TOX: variants seen among roughly 807,000 people sequenced by gnomAD.
The protein encoded by TOX is thymocyte selection-associated high mobility group box protein TOX.
TOX carries 11 observed loss-of-function variants against 53.7 expected under a neutral mutation model. The observed-to-expected ratio is 0.20, with a 90% CI of 0.13 to 0.34. TOX has a LOEUF of 0.34. Among genes scored for constraint, TOX ranks in the 10% least tolerant of loss-of-function variants. The pLI, the probability that TOX is intolerant of heterozygous loss-of-function variation, is 1.00. For synonymous variants in TOX, 225 were observed against 245.3 expected (o/e 0.92, Z 0.77); for missense variants, 570 against 664.6 (o/e 0.86, Z 1.56).
At chr8:58,865,539 T>A (rs1811082508) in intron 3 of TOX, among the ~76,000 whole-genome samples, 2 of 152,086 alleles carry the variant, frequency 1.3e-5, no homozygotes, top group African/African-American at 4.8e-5. Flanking sequence ...TTCAAGAGAA[T>A]AAATTTTCCC....
intron 2 of TOX, among the ~76,000 whole-genome samples, chr8:58,941,148 A>G (rs923497388): frequency 1.3e-5 from 2 of 152,222 alleles, no homozygotes; most frequent in African/African-American, 2.4e-5. Context: ...CTGTGTCAAA[A>G]TTACAAGTTT....
intron 3 of TOX, among the ~76,000 whole-genome samples, chr8:58,886,037 C>G (rs879722259): frequency 6.6e-6 from 1 of 152,064 alleles, no homozygotes; most frequent in South Asian, 2.1e-4. Context: ...TACATCTGCC[C>G]CAATTTATCC....
chr8:58,843,575 C>G (rs1296108088), intron 4 of TOX, among the ~76,000 whole-genome samples: 1 of 152,264 alleles, frequency 6.6e-6, no homozygotes, highest in Non-Finnish European at 1.5e-5. Context: ...TATCTTTGCT[C>G]TTTATAAATG....
intron 1 of TOX, among the ~76,000 whole-genome samples, chr8:59,004,714 A>AG (rs1813754761): frequency 6.6e-6 from 1 of 152,220 alleles, no homozygotes; most frequent in Admixed American, 6.5e-5. Flanking sequence ...TCAATCACAC[A>AG]GGGGCAGCTG....
chr8:59,045,289 T>A (rs1413790717), intron 1 of TOX, among the ~76,000 whole-genome samples: 1 of 152,248 alleles, frequency 6.6e-6, no homozygotes, highest in Non-Finnish European at 1.5e-5. Flanking sequence ...TCTTTTCAAA[T>A]ATGAAAGAGA....
At chr8:58,844,426 TG>T (rs1810689579) in intron 4 of TOX, among the ~76,000 whole-genome samples, 1 of 152,158 alleles carries the variant, frequency 6.6e-6, no homozygotes, top group Non-Finnish European at 1.5e-5. Flanking sequence ...GTGCTAAGAC[TG>T]GAGAGTTAAA....
At chr8:58,985,037 A>G (rs11784073) in intron 1 of TOX, among the ~76,000 whole-genome samples, 12,486 of 150,146 alleles carry the variant, frequency 0.083, 656 homozygotes, top group Middle Eastern at 0.18. Context: ...ATATTTGACT[A>G]TGGACATCTA....
intron 3 of TOX, among the ~76,000 whole-genome samples, chr8:58,875,120 G>A (rs770511285): frequency 6.6e-6 from 1 of 152,110 alleles, no homozygotes; most frequent in Admixed American, 6.5e-5. Flanking sequence ...GTCTTTCCTT[G>A]GTATGTTTGG....
At chr8:58,931,330 C>CA (rs113247058) in intron 3 of TOX, among the ~76,000 whole-genome samples, 8,409 of 137,618 alleles carry the variant, frequency 0.061, 747 homozygotes, top group African/African-American at 0.21. Context: ...TCATAAATGT[C>CA]AAAAAAAAAA....
intron 1 of TOX, among the ~76,000 whole-genome samples, chr8:59,038,682 A>T (rs1803514624): frequency 6.6e-6 from 1 of 152,204 alleles, no homozygotes; most frequent in African/African-American, 2.4e-5. Flanking sequence ...CTATCTCCCC[A>T]GGCTCGCTAA....
At chr8:59,082,740 T>C (rs754705938) in intron 1 of TOX, among the ~76,000 whole-genome samples, 1 of 152,210 alleles carries the variant, frequency 6.6e-6, no homozygotes, top group Non-Finnish European at 1.5e-5. Flanking sequence ...AGAAGTTGTA[T>C]GATTTTTGTC....
chr8:58,877,875 T>G lies in TOX; in HGVS notation c.412-26070A>C, dbSNP rs1310876982. Reference sequence around the variant, plus strand: ...CTACATATTAAAAAAAAAAAAAGCCTCAGGAAAACTTTCCAATTGATTTTG... The same window carrying G: ...CTACATATTAAAAAAAAAAAAAGCCGCAGGAAAACTTTCCAATTGATTTTG... On this transcript the variant is annotated intron_variant, in intron 3 of 8. Transcript: ENST00000361421. 3.3e-5 allele frequency among the ~76,000 whole-genome samples: 5 copies of G among 151,256 alleles called. No individual in the cohort carries two copies. The South Asian group carries it at 1.0e-3, about 31-fold the overall frequency.
chr8:58,947,750 T>C (rs1011990966), intron 2 of TOX, among the ~76,000 whole-genome samples: 1 of 152,214 alleles, frequency 6.6e-6, no homozygotes, highest in African/African-American at 2.4e-5. Context: ...GAAGCTGGGA[T>C]GATCAAGGGA....
Position 58,815,544 on chromosome 8 carries a change from T to C in TOX, c.1186A>G (p.Ile396Val), listed in dbSNP as rs747268861. ...ATTTGGTTATTCGGCTTGGGGGCTA[T>C]GTTCCTGGGGAGACTAGGATGCATG... ...TAMHPSLPRNIAPKPNNQMPV... is the reference protein window; with the variant it reads ...TAMHPSLPRNVAPKPNNQMPV... Residue 396 changes from isoleucine (I) to valine (V), a missense_variant, in exon 7 of 9, where the codon ATA (isoleucine) becomes GTA (valine). By Grantham distance (29) the Ile-to-Val change is conservative. Coordinates refer to ENST00000361421, the MANE Select transcript of TOX (RefSeq NM_014729.3). 6.2e-7 allele frequency: 1 copy of C among 1,614,140 alleles called. No homozygotes were observed. The highest frequency in any genetic ancestry group is 8.5e-7 in the Non-Finnish European group (1 of 1,180,008).
chr8:58,907,594 C>CAA (rs368433881), intron 3 of TOX, among the ~76,000 whole-genome samples: 2 of 146,036 alleles, frequency 1.4e-5, no homozygotes, highest in African/African-American at 5.0e-5. Context: ...GAGCCTGTCT[C>CAA]AAAAAAAAAA....
intron 3 of TOX, among the ~76,000 whole-genome samples, chr8:58,856,345 G>A (rs1368052407): frequency 1.3e-5 from 2 of 152,092 alleles, no homozygotes; most frequent in African/African-American, 2.4e-5. Flanking sequence ...ATTAGTTCAT[G>A]ACTAATGCAT....
At chr8:58,878,004 T>C (rs746034706) in intron 3 of TOX, among the ~76,000 whole-genome samples, 46 of 152,172 alleles carry the variant, frequency 3.0e-4, no homozygotes, top group Non-Finnish European at 5.7e-4. Context: ...CAAACACTGA[T>C]ATGCCAGGTA....
intron 1 of TOX, among the ~76,000 whole-genome samples, chr8:59,105,748 T>A (rs1039744184): frequency 6.6e-6 from 1 of 152,228 alleles, no homozygotes. Flanking sequence ...TTCTCACCTA[T>A]TCAAAATGAC....
rs146334808 is a variant in TOX, at chr8:59,010,954, A to G, written c.103-50946T>C. Among the ~76,000 whole-genome samples the G allele has an allele frequency of 2.7e-3, 404 of 152,340 alleles. 2 individuals are homozygous for G. Among genetic ancestry groups the G allele is most frequent in the Non-Finnish European group, 4.7e-3 (317 of 68,034 alleles). ...CTGAATCACAGTCATAACAGTCGGAATAGTAAGCAAGGCTGTTTCCCATCC... is the reference window on the plus strand; with the variant it reads ...CTGAATCACAGTCATAACAGTCGGAGTAGTAAGCAAGGCTGTTTCCCATCC... On this transcript the variant is annotated intron_variant, in intron 1 of 8. Transcript: ENST00000361421.
Sources: gnomAD v4.1 joint callset for allele counts (sites outside exome capture counted in the v4.1 genomes callset) on GRCh38, gnomAD v4.1.1 for gene constraint, MANE v1.5 for transcripts, NCBI Gene and HGNC (gene_info 2026-07-23, HGNC 2026-07-21) for gene names.